The following PSD variants were observed in gnomAD, a reference collection of about 807,000 sequenced individuals.
PSD encodes the protein PH and SEC7 domain-containing protein 1.
A neutral mutation model predicts 91.6 loss-of-function variants in PSD; 32 were observed. That is an observed-to-expected ratio of 0.35 (90% CI 0.26 to 0.47). The LOEUF (loss-of-function observed/expected upper bound fraction) is 0.47. Ranked by LOEUF, PSD falls within the 20% of genes least tolerant of loss-of-function variation. The pLI, the probability that PSD is intolerant of heterozygous loss-of-function variation, is 1.00. For synonymous variants in PSD, 532 were observed against 569.3 expected (o/e 0.93, Z 0.93); for missense variants, 1,099 against 1,373.9 (o/e 0.80, Z 3.16).
chr10:102,406,576 C>T (rs866603853), intron 11 of PSD, among the ~76,000 whole-genome samples: 5 of 149,570 alleles, frequency 3.3e-5, no homozygotes, highest in Non-Finnish European at 7.4e-5. Flanking sequence ...GGCGGGATCT[C>T]GGCTCACTGC....
At chr10:102,415,284 C>A in intron 3 of PSD, 55 bp from the exon 4 acceptor site, 1 of 1,524,060 alleles carries the variant, frequency 6.6e-7, no homozygotes, top group South Asian at 1.2e-5. Context: ...GCTCCCTGTC[C>A]TAATTCTGCT....
In PSD at chr10:102,403,313, G is replaced by A. The variant is rs1447344393; in HGVS notation, c.2962C>T (p.Pro988Ser). Residue 988 changes from proline (P) to serine (S), a missense_variant, in exon 17 of 17, where the codon CCT becomes TCT. Transcript: ENST00000020673. This position sits in a 1 kb window ranked among gnomAD's most constrained non-coding sequence, Gnocchi z 6.7. ...AQAGSTEDGL[P>S]PSHSSPSLQP... ...AGGGAGGGACTGGAGTGAGAAGGAG[G>A]GAGTCCATCCTCTGTGCTCCCGGCC... 1.2e-6 allele frequency: 2 copies of A among 1,613,990 alleles called. No individual in the cohort carries two copies. The highest frequency in any genetic ancestry group is 1.7e-6 in the Non-Finnish European group (2 of 1,180,010).
Position 102,405,294 on chromosome 10 carries a change from C to A in PSD, c.2327-41G>T. The A allele has an allele frequency of 1.2e-6, 2 of 1,609,126 alleles. No individual in the cohort carries two copies. Among genetic ancestry groups the A allele is most frequent in the Non-Finnish European group, 1.7e-6 (2 of 1,179,570 alleles). ...ACAGGTCAGGGGGCCCTGGAACAGG[C>A]CCACTCCCATCCATCCCCTAGACGC... On this transcript the variant is annotated intron_variant, in intron 12 of 16. Coordinates refer to ENST00000020673, the MANE Select transcript of PSD (RefSeq NM_002779.5). The surrounding 1 kb of genome is among the most constrained non-coding windows in gnomAD (Gnocchi z 5.4).
rs1043187671 is a variant in PSD, at chr10:102,410,745, G to A, written c.2091+113C>T. On this transcript the variant is annotated intron_variant, in intron 10 of 16. Transcript: ENST00000020673. This position sits in a 1 kb window ranked among gnomAD's most constrained non-coding sequence, Gnocchi z 6.0. ...ACGAGAGCCCGGGCTTCCGTGGCAGGAGCCGGGGGTCGGCAAGCCCCAGCC... is the reference window on the plus strand; with the variant it reads ...ACGAGAGCCCGGGCTTCCGTGGCAGAAGCCGGGGGTCGGCAAGCCCCAGCC... 14 of 856,062 alleles carry A rather than the reference G, an allele frequency of 1.6e-5. No homozygotes were observed. The highest frequency in any genetic ancestry group is 2.5e-5 in the Non-Finnish European group (13 of 514,442). 53.0% of individuals were successfully genotyped at this position (856,062 alleles called of 1,614,324 possible).
At position 102,404,971 on chromosome 10, in the gene PSD, T is replaced by C; in HGVS notation, c.2482A>G (p.Ser828Gly). Reference sequence around the variant, plus strand: ...ACGTGGGGCCTCTTGCTGTAGTCACTGGCACGAGTGGCCAGGGCATGGTGG... The same window carrying C: ...ACGTGGGGCCTCTTGCTGTAGTCACCGGCACGAGTGGCCAGGGCATGGTGG... The part of the protein sequence containing the change: ...SIHHALATRA[S>G]DYSKRPHVFY... The change falls in exon 14 of 17, where the codon AGT becomes GGT. Residue 828 changes from serine to glycine, a missense_variant. Ser to Gly is a moderately conservative substitution (Grantham distance 56). Coordinates refer to ENST00000020673, the MANE Select transcript of PSD (RefSeq NM_002779.5). The surrounding 1 kb of genome is among the most constrained non-coding windows in gnomAD (Gnocchi z 5.7). 1 of 1,614,102 alleles carries C rather than the reference T, an allele frequency of 6.2e-7. No individual in the cohort carries two copies. The highest frequency in any genetic ancestry group is 8.5e-7 in the Non-Finnish European group (1 of 1,179,984).
Position 102,412,556 on chromosome 10 carries a change from G to A in PSD, c.1573C>T (p.Leu525=). The A allele has an allele frequency of 2.5e-6, 4 of 1,613,000 alleles. No individual in the cohort carries two copies. In the South Asian group the frequency reaches 4.4e-5, roughly 18 times the overall value. ...PLGSEPPLSQ[L]VSDSDSELDS... ...AGCTCTGAGTCTGAGTCGGACACCA[G>A]CTGGCTCAGGGGTGGTTCGCTGCCG... Residue 525 remains leucine, a synonymous_variant, in exon 6 of 17, where the codon CTG becomes TTG. Coordinates refer to ENST00000020673, the MANE Select transcript of PSD (RefSeq NM_002779.5).
intron 8 of PSD, 97 bp downstream of exon 8, chr10:102,411,610 C>G (rs1048858042): frequency 2.3e-6 from 2 of 882,082 alleles, no homozygotes; most frequent in Non-Finnish European, 3.7e-6. Context: ...CCATTCCCTG[C>G]TGTACACACA....
rs750817565 is a variant in PSD at position 102,413,841 on chromosome 10, G to C, written c.1481C>G (p.Ala494Gly). 6.2e-7 allele frequency: 1 copy of C among 1,614,024 alleles called. No individual in the cohort carries two copies. Among genetic ancestry groups the C allele is most frequent in the East Asian group, 2.2e-5 (1 of 44,858 alleles). Residue 494 changes from alanine (A) to glycine (G), a missense_variant, in exon 5 of 17, where the codon GCC (alanine) becomes GGC (glycine). Around this residue, in one of 3 missense-constraint regions of PSD, gnomAD observed 631 missense variants for 728.8 expected, o/e 0.87. Transcript: ENST00000020673. The stretch of plus-strand genomic sequence containing the variant: ...GGGACTAGGGGGCTCCCTCCCTGGG[G>C]CCAGCTTGGCTCTGGCCTCTGCCTC... ...EEEAEARAKL[A>G]PGREPPSPCH...
chr10:102,403,312 G>A lies in PSD; in HGVS notation c.2963C>T (p.Pro988Leu), dbSNP rs1242431011. ...CAGGGAGGGACTGGAGTGAGAAGGA[G>A]GGAGTCCATCCTCTGTGCTCCCGGC... ...AQAGSTEDGL[P>L]PSHSSPSLQP... Residue 988 changes from proline to leucine, a missense_variant, in exon 17 of 17, where the codon CCT (proline) becomes CTT (leucine). By Grantham distance (98) the Pro-to-Leu change is moderately conservative. Around this residue, in one of 3 missense-constraint regions of PSD, gnomAD observed 358 missense variants for 426.5 expected, o/e 0.84. Transcript: ENST00000020673. This position sits in a 1 kb window ranked among gnomAD's most constrained non-coding sequence, Gnocchi z 6.7. 5.0e-6 allele frequency: 8 copies of A among 1,613,982 alleles called. No homozygotes were observed. In the African/African-American group the frequency reaches 5.3e-5, roughly 11 times the overall value.
Position 102,404,131 on chromosome 10 carries a change from G to A in PSD, c.2701-146C>T, listed in dbSNP as rs550175438. The A allele has an allele frequency of 1.3e-3, 1,187 of 944,060 alleles. 10 individuals are homozygous for A. In the Admixed American group the frequency reaches 0.013, roughly 10 times the overall value. The allele number at this position is 944,060 out of a possible 1,614,324, so 58.5% of individuals were successfully genotyped here. A position where few individuals can be genotyped will look rare whatever the true frequency, so the allele number is the denominator to read the frequency against. On this transcript the variant is annotated intron_variant, in intron 15 of 16. Coordinates refer to ENST00000020673, the MANE Select transcript of PSD (RefSeq NM_002779.5). This position sits in a 1 kb window ranked among gnomAD's most constrained non-coding sequence, Gnocchi z 5.7. ...TGGGAGGCCAAGGCGGGCGGATCAC[G>A]AGGTCAGGAGATCGAGACCATCCTG...
At position 102,414,843 on chromosome 10, in the gene PSD, C is replaced by T. The variant is rs199717890; in HGVS notation, c.1124+20G>A. ...AAGCCGCTTCCCTCTCCCACTTCCC[C>T]CTCCCACTTCCCCACTCACCGGGCC... On this transcript the variant is annotated intron_variant, in intron 4 of 16. Coordinates refer to ENST00000020673, the MANE Select transcript of PSD (RefSeq NM_002779.5). This position sits in a 1 kb window ranked among gnomAD's most constrained non-coding sequence, Gnocchi z 5.6. 4.0e-6 allele frequency: 6 copies of T among 1,487,486 alleles called. No homozygotes were observed. The highest frequency in any genetic ancestry group is 5.3e-6 in the Non-Finnish European group (6 of 1,123,386). The allele number at this position is 1,487,486 out of a possible 1,614,324, so 92.1% of individuals were successfully genotyped here.
intron 7 of PSD, 23 bp downstream of exon 7, chr10:102,412,124 T>C (rs2061431401): frequency 6.2e-7 from 1 of 1,609,482 alleles, no homozygotes; most frequent in Admixed American, 1.7e-5. Context: ...GTGGGGGCTG[T>C]CCTCCAAGGG....
At chr10:102,419,833 T>G, upstream of PSD, 1 of 198,588 alleles carries the variant, frequency 5.0e-6, no homozygotes, top group Non-Finnish European at 1.1e-5. The surrounding 1 kb of genome is among the most constrained non-coding windows in gnomAD (Gnocchi z 4.8). Context: ...AGCTACCCCC[T>G]CCCTAAGCAG....
Position 102,416,186 on chromosome 10 carries a change from G to C in PSD, c.655-67C>G. 1 of 1,325,046 alleles carries C rather than the reference G, an allele frequency of 7.5e-7. No individual in the cohort carries two copies. The highest frequency in any genetic ancestry group is 1.1e-6 in the Non-Finnish European group (1 of 944,466). The allele number at this position is 1,325,046 out of a possible 1,614,324, so 82.1% of individuals were successfully genotyped here. ...AGACATACAAGGACACAAGAATATG[G>C]GACAGAAACAGAAATTAAAACATGC... On this transcript the variant is annotated intron_variant, in intron 2 of 16. Coordinates refer to ENST00000020673, the MANE Select transcript of PSD (RefSeq NM_002779.5). This position sits in a 1 kb window ranked among gnomAD's most constrained non-coding sequence, Gnocchi z 6.0.
At position 102,405,137 on chromosome 10, in the gene PSD, C is replaced by T. The variant is rs775559554; in HGVS notation, c.2397+46G>A. On this transcript the variant is annotated intron_variant, in intron 13 of 16. Coordinates refer to ENST00000020673, the MANE Select transcript of PSD (RefSeq NM_002779.5). The surrounding 1 kb of genome is among the most constrained non-coding windows in gnomAD (Gnocchi z 5.4). ...ATTCCCACCCATCACCCCACACCCA[C>T]CAGCCAACTCAGTCCCAGCCCCAGC... 3 of 1,610,690 alleles carry T rather than the reference C, an allele frequency of 1.9e-6. No homozygotes were observed. The highest frequency in any genetic ancestry group is 1.7e-6 in the Non-Finnish European group (2 of 1,179,296).
Position 102,409,123 on chromosome 10 carries a change from G to GCCATGCCCCCGT in PSD, c.2091+1723_2091+1734dup. The GCCATGCCCCCGT allele has an allele frequency of 3.1e-6, 3 of 981,604 alleles. No individual in the cohort carries two copies. Among genetic ancestry groups the GCCATGCCCCCGT allele is most frequent in the Non-Finnish European group, 3.6e-6 (3 of 828,650 alleles). The allele number at this position is 981,604 out of a possible 1,614,324, so 60.8% of individuals were successfully genotyped here. Reference sequence around the variant, plus strand: ...CCCGGCCGGCGCGCCGCGGCCCCCGGCCATGCCCCCGTCCGCCCTCGGCCC... The same window carrying GCCATGCCCCCGT: ...CCCGGCCGGCGCGCCGCGGCCCCCGGCCATGCCCCCGTCCATGCCCCCGTCCGCCCTCGGCCC... On this transcript the variant is annotated intron_variant, in intron 10 of 16. Transcript: ENST00000020673. The surrounding 1 kb of genome is among the most constrained non-coding windows in gnomAD (Gnocchi z 5.7).
chr10:102,407,890 C>G (rs1455110890), intron 10 of PSD, among the ~76,000 whole-genome samples: 5 of 152,172 alleles, frequency 3.3e-5, no homozygotes, highest in Non-Finnish European at 5.9e-5. Context: ...CACGTGCACA[C>G]TTTGTCACTG....
intron 1 of PSD, among the ~76,000 whole-genome samples, chr10:102,417,740 C>T (rs982767413): frequency 2.7e-5 from 4 of 150,260 alleles, no homozygotes; most frequent in Non-Finnish European, 5.9e-5. Context: ...TGGAGTTTCG[C>T]CCCTGCTGCC....
In PSD at chr10:102,405,319, C is replaced by A; in HGVS notation, c.2326+27G>T. The A allele has an allele frequency of 6.2e-7, 1 of 1,607,714 alleles. No homozygotes were observed. Among genetic ancestry groups the A allele is most frequent in the Non-Finnish European group, 8.5e-7 (1 of 1,178,292 alleles). ...CCCACTCCCATCCATCCCCTAGACGCCCGCCCCCCGCAACTCGGCCACATA... is the reference window on the plus strand; with the variant it reads ...CCCACTCCCATCCATCCCCTAGACGACCGCCCCCCGCAACTCGGCCACATA... On this transcript the variant is annotated intron_variant, in intron 12 of 16. Coordinates refer to ENST00000020673, the MANE Select transcript of PSD (RefSeq NM_002779.5). This position sits in a 1 kb window ranked among gnomAD's most constrained non-coding sequence, Gnocchi z 5.4.
Sources: allele counts gnomAD v4.1 joint callset (sites outside exome capture counted in the v4.1 genomes callset), GRCh38; gene constraint gnomAD v4.1.1; regional missense constraint gnomAD v4.1.1; non-coding constraint Gnocchi (gnomAD v3.1); transcripts MANE v1.5; gene names NCBI Gene and HGNC (gene_info 2026-07-23, HGNC 2026-07-21).